ARHGEF28: variants seen among roughly 807,000 people sequenced by gnomAD.
The protein encoded by ARHGEF28 is 190 kDa guanine nucleotide exchange factor.
A neutral mutation model predicts 206.6 loss-of-function variants in ARHGEF28; 152 were observed. That is an observed-to-expected ratio of 0.74 (90% CI 0.64 to 0.84). ARHGEF28 has a LOEUF of 0.84. ARHGEF28 is among the 40% of genes least tolerant of loss of function. ARHGEF28 has a pLI of 0.00. For missense variants in ARHGEF28, 2,028 were observed against 2,073.2 expected (o/e 0.98, Z 0.42); for synonymous variants, 763 against 776.4 (o/e 0.98, Z 0.29).
At chr5:73,692,131 G>A (rs987753189) in intron 2 of ARHGEF28, among the ~76,000 whole-genome samples, 1 of 152,164 alleles carries the variant, frequency 6.6e-6, no homozygotes, top group African/African-American at 2.4e-5. Context: ...GTTAAATTTT[G>A]TATGTTGATT....
chr5:73,853,671 C>A (rs549679671), intron 14 of ARHGEF28, among the ~76,000 whole-genome samples: 6 of 152,222 alleles, frequency 3.9e-5, no homozygotes, highest in African/African-American at 1.4e-4. Flanking sequence ...ATGATGATAG[C>A]AAAAGCAGTA....
chr5:73,637,040 T>C (rs945026789), intron 1 of ARHGEF28, among the ~76,000 whole-genome samples: 3 of 152,192 alleles, frequency 2.0e-5, no homozygotes, highest in African/African-American at 7.2e-5. Flanking sequence ...CTCATGTTAT[T>C]GTTGTCAGAA....
intron 1 of ARHGEF28, among the ~76,000 whole-genome samples, chr5:73,659,388 G>A (rs1298595504): frequency 2.0e-5 from 3 of 152,108 alleles, no homozygotes; most frequent in Non-Finnish European, 2.9e-5. Context: ...AAATTAGCTG[G>A]GCATGGTGGC....
chr5:73,743,603 G>T (rs1160453262), intron 2 of ARHGEF28, among the ~76,000 whole-genome samples: 1 of 152,174 alleles, frequency 6.6e-6, no homozygotes, highest in African/African-American at 2.4e-5. Flanking sequence ...CAATACATTT[G>T]AATAATCTTG....
At chr5:73,708,832 G>A (rs76241011) in intron 2 of ARHGEF28, among the ~76,000 whole-genome samples, 2,337 of 152,250 alleles carry the variant, frequency 0.015, 59 homozygotes, top group African/African-American at 0.054. Context: ...TACCCACAGT[G>A]TATAAGCATT....
In ARHGEF28 at chr5:73,909,346, C is replaced by T. The variant is rs148105871; in HGVS notation, c.4162-66C>T. 1.9e-3 allele frequency: 2,824 copies of T among 1,515,080 alleles called. 3 individuals carry two copies. Among genetic ancestry groups the T allele is most frequent in the Non-Finnish European group, 2.2e-3 (2,486 of 1,129,920 alleles). The allele number at this position is 1,515,080 out of a possible 1,614,324, so 93.9% of individuals were successfully genotyped here. On this transcript the variant is annotated intron_variant, in intron 33 of 35. Transcript: ENST00000513042. ...GTTTTGTGTTTCGAGGTAGTTCCAA[C>T]CGAAAGGGTAAACAATAACCATGGA...
At chr5:73,743,783 G>T (rs903295914) in intron 2 of ARHGEF28, among the ~76,000 whole-genome samples, 7 of 152,150 alleles carry the variant, frequency 4.6e-5, no homozygotes, top group African/African-American at 1.7e-4. Flanking sequence ...TTTTCCGGAG[G>T]ATTAGGGTAC....
chr5:73,719,735 A>T (rs1749817000), intron 2 of ARHGEF28, among the ~76,000 whole-genome samples: 1 of 152,242 alleles, frequency 6.6e-6, no homozygotes, highest in Non-Finnish European at 1.5e-5. Flanking sequence ...TCACTTCTGT[A>T]CAAGTTTGAA....
chr5:73,725,123 A>G (rs1435678828), intron 2 of ARHGEF28, among the ~76,000 whole-genome samples: 1 of 152,230 alleles, frequency 6.6e-6, no homozygotes, highest in Non-Finnish European at 1.5e-5. Context: ...TAATCTATTT[A>G]CCAATTGTTT....
At chr5:73,665,203 C>G (rs1745874733) in intron 1 of ARHGEF28, among the ~76,000 whole-genome samples, 1 of 152,214 alleles carries the variant, frequency 6.6e-6, no homozygotes, top group Non-Finnish European at 1.5e-5. Context: ...ATTTGCCTCA[C>G]ATCCCTTCCC....
At chr5:73,929,626 A>AT (rs748039765) in intron 35 of ARHGEF28, among the ~76,000 whole-genome samples, 7 of 152,216 alleles carry the variant, frequency 4.6e-5, no homozygotes, top group Admixed American at 3.9e-4. Context: ...TGTATTAGGC[A>AT]TGCAATTAAC....
intron 9 of ARHGEF28, among the ~76,000 whole-genome samples, chr5:73,822,799 AT>A (rs1010941320): frequency 6.6e-6 from 1 of 151,846 alleles, no homozygotes; most frequent in African/African-American, 2.4e-5. Context: ...AATTTGTTTC[AT>A]TTTTTTTGTA....
intron 4 of ARHGEF28, among the ~76,000 whole-genome samples, chr5:73,760,867 T>C (rs1237945637): frequency 6.6e-6 from 1 of 152,186 alleles, no homozygotes; most frequent in African/African-American, 2.4e-5. Flanking sequence ...TACTACATGT[T>C]AAATAAGAAA....
intron 1 of ARHGEF28, among the ~76,000 whole-genome samples, chr5:73,654,187 A>G (rs1468703048): frequency 6.6e-6 from 1 of 152,188 alleles, no homozygotes; most frequent in African/African-American, 2.4e-5. Context: ...TGTAAGGACA[A>G]TGGGATCCTA....
At chr5:73,846,218 C>A in intron 11 of ARHGEF28, 50 bp from the exon 12 acceptor site, 1 of 1,557,612 alleles carries the variant, frequency 6.4e-7, no homozygotes, top group Non-Finnish European at 8.8e-7. Context: ...ACCAATGACG[C>A]TCTGTGTCCT....
At chr5:73,764,011 G>A (rs1458050387) in intron 4 of ARHGEF28, among the ~76,000 whole-genome samples, 1 of 152,140 alleles carries the variant, frequency 6.6e-6, no homozygotes, top group Non-Finnish European at 1.5e-5. Flanking sequence ...AAAAAGATCA[G>A]ACAAATGTGT....
intron 14 of ARHGEF28, 84 bp downstream of exon 14, chr5:73,852,776 A>T: frequency 7.0e-7 from 1 of 1,423,624 alleles, no homozygotes; most frequent in Non-Finnish European, 9.9e-7. Flanking sequence ...CTATCTGTTC[A>T]CTAGTTCATG....
intron 4 of ARHGEF28, among the ~76,000 whole-genome samples, chr5:73,761,374 A>G (rs1424550081): frequency 1.3e-5 from 2 of 152,176 alleles, no homozygotes; most frequent in Non-Finnish European, 2.9e-5. Context: ...TTTGTAGATA[A>G]AACATTGGTT....
chr5:73,748,334 GCCAA>G (rs1387227515), intron 2 of ARHGEF28, among the ~76,000 whole-genome samples: 1 of 144,466 alleles, frequency 6.9e-6, no homozygotes, highest in Admixed American at 6.8e-5. Flanking sequence ...ATTCAAAACT[GCCAA>G]CCAGTGATTT....
Sources: allele counts gnomAD v4.1 joint callset (sites outside exome capture counted in the v4.1 genomes callset), GRCh38; gene constraint gnomAD v4.1.1; transcripts MANE v1.5; gene names NCBI Gene and HGNC (gene_info 2026-07-23, HGNC 2026-07-21).